CAMTA1: variants seen among roughly 807,000 people sequenced by gnomAD.
CAMTA1 encodes the protein calmodulin-binding transcription activator 1.
In CAMTA1, 27 loss-of-function variants were observed where a neutral mutation model predicts 170.9. The observed-to-expected ratio is 0.16, with a 90% CI of 0.12 to 0.22. The LOEUF is 0.22. Among genes scored for constraint, CAMTA1 ranks in the 10% least tolerant of loss-of-function variants. The probability of loss-of-function intolerance (pLI) is 1.00; values close to 1 mark genes in which losing one functional copy is unlikely to be tolerated. For synonymous variants in CAMTA1, 833 were observed against 891.5 expected (o/e 0.93, Z 1.17); for missense variants, 1,619 against 2,217.2 (o/e 0.73, Z 5.42).
intron 6 of CAMTA1, among the ~76,000 whole-genome samples, chr1:7,498,598 T>C (rs559741724): frequency 6.6e-6 from 1 of 151,800 alleles, no homozygotes; most frequent in South Asian, 2.1e-4. Flanking sequence ...TGTGTACGTG[T>C]GAGTGTGAAC....
intron 5 of CAMTA1, among the ~76,000 whole-genome samples, chr1:7,391,232 G>A (rs1457532475): frequency 6.6e-6 from 1 of 151,972 alleles, no homozygotes; most frequent in African/African-American, 2.4e-5. Context: ...CCTGACCTCA[G>A]GTGATCTGCC....
chr1:7,094,628 T>C (rs1318580221), intron 4 of CAMTA1, among the ~76,000 whole-genome samples: 1 of 152,110 alleles, frequency 6.6e-6, no homozygotes, highest in Non-Finnish European at 1.5e-5. Context: ...TAGTCCTTGC[T>C]CAGATACTGC....
intron 11 of CAMTA1, among the ~76,000 whole-genome samples, chr1:7,688,787 C>T (rs946083515): frequency 1.3e-5 from 2 of 152,158 alleles, no homozygotes; most frequent in East Asian, 1.9e-4. Flanking sequence ...CCTTGTCCCC[C>T]ACATCTGTGA....
intron 6 of CAMTA1, among the ~76,000 whole-genome samples, chr1:7,492,971 G>A (rs1365276856): frequency 4.9e-5 from 6 of 121,964 alleles, no homozygotes; most frequent in Non-Finnish European, 6.7e-5. Flanking sequence ...ATACACATGC[G>A]CTCAAACACA....
intron 5 of CAMTA1, among the ~76,000 whole-genome samples, chr1:7,451,683 G>A (rs1460428041): frequency 6.6e-6 from 1 of 152,136 alleles, no homozygotes; most frequent in Non-Finnish European, 1.5e-5. Flanking sequence ...CACTGAGCAC[G>A]TTCTCTGTGG....
At chr1:7,240,254 T>C (rs948712805) in intron 4 of CAMTA1, among the ~76,000 whole-genome samples, 1 of 152,194 alleles carries the variant, frequency 6.6e-6, no homozygotes, top group Non-Finnish European at 1.5e-5. Flanking sequence ...TTTCTCCTCC[T>C]ATTTGGTAAC....
At chr1:7,429,293 G>A (rs537680980) in intron 5 of CAMTA1, among the ~76,000 whole-genome samples, 13 of 152,272 alleles carry the variant, frequency 8.5e-5, no homozygotes, top group Admixed American at 2.6e-4. Flanking sequence ...CATAGTGCAC[G>A]GCATATTTTA....
rs1356503409 is a variant in CAMTA1, at chr1:7,504,870, CTCACTGGGCAGAA to C, written c.510+36981_510+36993del. 2.0e-5 allele frequency among the ~76,000 whole-genome samples: 3 copies of C among 152,272 alleles called. No individual in the cohort carries two copies. The South Asian group carries it at 6.2e-4, about 32-fold the overall frequency. ...TTTCTCAGAATGCCATGCCCACCAC[CTCACTGGGCAGAA>C]TCACTGGGCAGGAGGAGTTCAGTGT... On this transcript the variant is annotated intron_variant, in intron 6 of 22. Coordinates refer to ENST00000303635, the MANE Select transcript of CAMTA1 (RefSeq NM_015215.4).
At position 6,793,052 on chromosome 1, in the gene CAMTA1, A is replaced by G. The variant is rs530371445; in HGVS notation, c.45+7477A>G. On this transcript the variant is annotated intron_variant, in intron 1 of 22. Coordinates refer to ENST00000303635, the MANE Select transcript of CAMTA1 (RefSeq NM_015215.4). ...ATATATATATACCCCACTCTTATAT[A>G]TATATATACCCCACTCTTATATATA... is the stretch of plus-strand genomic sequence containing the variant. Among the ~76,000 whole-genome samples the G allele has an allele frequency of 3.9e-5, 6 of 152,084 alleles. 1 individual carries two copies. The South Asian group carries it at 1.2e-3, about 32-fold the overall frequency.
intron 4 of CAMTA1, among the ~76,000 whole-genome samples, chr1:7,233,451 G>A (rs1663213198): frequency 6.6e-6 from 1 of 152,200 alleles, no homozygotes; most frequent in South Asian, 2.1e-4. Context: ...AAAGACAGGT[G>A]ATGCCATTAA....
intron 7 of CAMTA1, among the ~76,000 whole-genome samples, chr1:7,646,852 G>T (rs1280555666): frequency 3.3e-5 from 5 of 152,148 alleles, no homozygotes; most frequent in Non-Finnish European, 7.4e-5. Context: ...GGGCTTGCTT[G>T]TGCTGTCATG....
intron 2 of CAMTA1, among the ~76,000 whole-genome samples, chr1:6,824,115 T>G (rs1010253731): frequency 7.2e-5 from 11 of 152,116 alleles, no homozygotes; most frequent in African/African-American, 2.7e-4. Context: ...TGGAGCAAAT[T>G]AAGTCTTTGA....
intron 5 of CAMTA1, among the ~76,000 whole-genome samples, chr1:7,375,263 A>G (rs561179884): frequency 8.4e-4 from 128 of 152,200 alleles, no homozygotes; most frequent in African/African-American, 3.0e-3. Context: ...CGTGGGGCAC[A>G]TTTTAGAGAG....
intron 5 of CAMTA1, among the ~76,000 whole-genome samples, chr1:7,380,451 G>A (rs1371546307): frequency 6.6e-6 from 1 of 152,206 alleles, no homozygotes; most frequent in East Asian, 1.9e-4. Context: ...GCGCATGCCT[G>A]TAATCCCAGC....
chr1:7,006,034 G>A (rs1698963911), intron 3 of CAMTA1, among the ~76,000 whole-genome samples: 1 of 152,202 alleles, frequency 6.6e-6, no homozygotes, highest in African/African-American at 2.4e-5. Context: ...AGCATTGGGT[G>A]TGGAGCATTT....
At chr1:7,260,336 A>G (rs1202388815) in intron 5 of CAMTA1, among the ~76,000 whole-genome samples, 4 of 152,146 alleles carry the variant, frequency 2.6e-5, no homozygotes, top group Non-Finnish European at 5.9e-5. Flanking sequence ...GTATACTTTT[A>G]TTTACAACAT....
At chr1:7,602,783 G>A (rs1203043153) in intron 6 of CAMTA1, among the ~76,000 whole-genome samples, 3 of 152,130 alleles carry the variant, frequency 2.0e-5, no homozygotes, top group Non-Finnish European at 4.4e-5. Context: ...GCTTTCTCTT[G>A]TGGGCATTTA....
At chr1:6,900,266 C>T (rs527381751) in intron 3 of CAMTA1, among the ~76,000 whole-genome samples, 29 of 151,618 alleles carry the variant, frequency 1.9e-4, no homozygotes, top group Non-Finnish European at 3.7e-4. Flanking sequence ...AACTTTGAAA[C>T]TGTGTGTAAG....
At chr1:7,483,802 G>A (rs985632061) in intron 6 of CAMTA1, among the ~76,000 whole-genome samples, 1 of 152,102 alleles carries the variant, frequency 6.6e-6, no homozygotes, top group African/African-American at 2.4e-5. Flanking sequence ...ACAGGGAGCT[G>A]GAGAACGCAG....
Sources: gnomAD v4.1 joint callset for allele counts (sites outside exome capture counted in the v4.1 genomes callset) on GRCh38, gnomAD v4.1.1 for gene constraint, MANE v1.5 for transcripts, NCBI Gene and HGNC (gene_info 2026-07-23, HGNC 2026-07-21) for gene names.